Variants in BLTP1 observed in about 807,000 individuals in gnomAD.
The protein encoded by BLTP1 is bridge-like lipid transfer protein family member 1.
the BLTP1 span, among the ~76,000 whole-genome samples, chr4:122,304,369 G>A: frequency 1.2e-4 from 19 of 152,084 alleles, no homozygotes; most frequent in Non-Finnish European, 2.2e-4. Context: ...ACACCACCAT[G>A]CCCATCTAAT....
the BLTP1 span, among the ~76,000 whole-genome samples, chr4:122,257,696 A>G: frequency 3.3e-5 from 5 of 152,192 alleles, no homozygotes; most frequent in African/African-American, 1.2e-4. Context: ...GCAATTTTAG[A>G]TATTACATAC....
At chr4:122,302,088 A>G in the BLTP1 span, 1 of 248,488 alleles carries the variant, frequency 4.0e-6, no homozygotes, top group Non-Finnish European at 6.4e-6. Flanking sequence ...AACAAAGACT[A>G]TATTATTTTA....
the BLTP1 span, chr4:122,194,738 A>G: frequency 2.6e-5 from 21 of 795,394 alleles, no homozygotes; most frequent in African/African-American, 7.5e-5. Flanking sequence ...TGTATTTTTC[A>G]TAAATTTTAG....
the BLTP1 span, chr4:122,209,238 G>A: frequency 6.2e-7 from 1 of 1,613,036 alleles, no homozygotes; most frequent in Non-Finnish European, 8.5e-7. Flanking sequence ...GTAAAAAATT[G>A]CCATCCAAAT....
chr4:122,187,943 A>G, the BLTP1 span: 1 of 1,593,092 alleles, frequency 6.3e-7, no homozygotes, highest in Non-Finnish European at 8.5e-7. Flanking sequence ...TCTGTGCATC[A>G]ACTTTGATGA....
At chr4:122,317,496 T>TCAGCA in the BLTP1 span, among the ~76,000 whole-genome samples, 1 of 152,206 alleles carries the variant, frequency 6.6e-6, no homozygotes, top group African/African-American at 2.4e-5. Context: ...TTAATCTTTA[T>TCAGCA]CTGTTGCCTG....
the BLTP1 span, among the ~76,000 whole-genome samples, chr4:122,294,713 C>T: frequency 3.9e-5 from 6 of 152,188 alleles, no homozygotes; most frequent in African/African-American, 1.4e-4. Context: ...TGTTCTCTCC[C>T]AGATGACTGC....
chr4:122,292,366 A>C, the BLTP1 span: 1 of 856,386 alleles, frequency 1.2e-6, no homozygotes, highest in Non-Finnish European at 1.4e-6. Context: ...AAAATTAGAC[A>C]GATGTGAATA....
chr4:122,213,769 G>A, the BLTP1 span, among the ~76,000 whole-genome samples: 2 of 152,086 alleles, frequency 1.3e-5, no homozygotes, highest in African/African-American at 2.4e-5. Context: ...TTCTGCAGAT[G>A]TAGACAATAT....
chr4:122,174,685 GTTAAACATAC>G, the BLTP1 span: 2 of 1,383,344 alleles, frequency 1.4e-6, no homozygotes, highest in South Asian at 2.5e-5. Flanking sequence ...AAGGACCCAT[GTTAAACATAC>G]TTTAAAAATA....
At chr4:122,205,941 A>C in the BLTP1 span, 1 of 984,990 alleles carries the variant, frequency 1.0e-6, no homozygotes, top group Non-Finnish European at 1.2e-6. Context: ...CATGTAAAAC[A>C]TTGTGGAGGC....
the BLTP1 span, chr4:122,172,383 C>A: frequency 1.5e-6 from 1 of 658,522 alleles, no homozygotes; most frequent in Non-Finnish European, 1.9e-6. Flanking sequence ...TATTCATGAA[C>A]TAGATTTTTT....
At chr4:122,313,673 G>T in the BLTP1 span, 1 of 1,576,880 alleles carries the variant, frequency 6.3e-7, no homozygotes, top group Non-Finnish European at 8.6e-7. Context: ...AGAACTACAG[G>T]ACAAGCAGCA....
the BLTP1 span, among the ~76,000 whole-genome samples, chr4:122,212,486 A>G: frequency 1.3e-5 from 2 of 152,180 alleles, no homozygotes; most frequent in East Asian, 1.9e-4. Context: ...TTACTTAAAT[A>G]TAAGTAATGA....
At chr4:122,196,899 T>A in the BLTP1 span, 12 of 531,660 alleles carry the variant, frequency 2.3e-5, no homozygotes, top group Non-Finnish European at 3.4e-5. Context: ...TTATATGAGC[T>A]GTTTTCCCTT....
the BLTP1 span, chr4:122,196,613 T>C: frequency 1.3e-6 from 2 of 1,573,914 alleles, no homozygotes; most frequent in Non-Finnish European, 1.7e-6. Flanking sequence ...ATGTCATTAT[T>C]CTTTCTACCT....
the BLTP1 span, among the ~76,000 whole-genome samples, chr4:122,340,345 TGA>T: frequency 2.6e-5 from 4 of 152,138 alleles, no homozygotes; most frequent in South Asian, 4.1e-4. Context: ...ATTCCATTTT[TGA>T]GAGAGGCATG....
At chr4:122,221,857 C>T in the BLTP1 span, 3 of 983,344 alleles carry the variant, frequency 3.1e-6, no homozygotes, top group Non-Finnish European at 3.6e-6. Flanking sequence ...GATGACTATC[C>T]CTGGTTTTTT....
chr4:122,270,577 A>G, the BLTP1 span, among the ~76,000 whole-genome samples: 8 of 151,968 alleles, frequency 5.3e-5, no homozygotes, highest in Admixed American at 2.0e-4. Context: ...TCAACTTAGC[A>G]TGAGGGCTTC....
Sources: allele counts gnomAD v4.1 joint callset (sites outside exome capture counted in the v4.1 genomes callset), GRCh38; gene constraint gnomAD v4.1.1; transcripts MANE v1.5; gene names NCBI Gene and HGNC (gene_info 2026-07-23, HGNC 2026-07-21).